HERC2: variants seen among roughly 807,000 people sequenced by gnomAD.
The protein encoded by HERC2 is HECT and RLD domain containing E3 ubiquitin protein ligase 2, also known as E3 ubiquitin-protein ligase HERC2.
In HERC2, 102 loss-of-function variants were observed where a neutral mutation model predicts 537.7. That is an observed-to-expected ratio of 0.19 (90% confidence interval 0.16 to 0.22). HERC2 has a LOEUF of 0.22. Among genes scored for constraint, HERC2 ranks in the 10% least tolerant of loss-of-function variants. The probability of loss-of-function intolerance (pLI) is 1.00; values close to 1 mark genes in which losing one functional copy is unlikely to be tolerated. For missense variants in HERC2, 4,236 were observed against 6,198.2 expected (o/e 0.68, Z 10.63); for synonymous variants, 2,224 against 2,466.2 (o/e 0.90, Z 2.91).
chr15:28,187,197 C>T (rs1896389198), intron 55 of HERC2, among the ~76,000 whole-genome samples: 1 of 152,134 alleles, frequency 6.6e-6, no homozygotes, highest in Non-Finnish European at 1.5e-5. Flanking sequence ...TCCATGACTC[C>T]ATGACCCAGC....
chr15:28,285,616 G>A (rs2076135502), intron 4 of HERC2, among the ~76,000 whole-genome samples: 1 of 151,378 alleles, frequency 6.6e-6, no homozygotes, highest in South Asian at 2.1e-4. Context: ...AATAATATAA[G>A]TGCCCGCCTC....
In HERC2 at chr15:28,215,615, C is replaced by A; in HGVS notation, c.6210+6G>T. 2 of 1,594,720 alleles carry A rather than the reference C, an allele frequency of 1.3e-6. No individual in the cohort carries two copies. The highest frequency in any genetic ancestry group is 1.7e-6 in the Non-Finnish European group (2 of 1,169,296). ...AGGGAACTGGTTTTGCCTGGCAGCA[C>A]ATTACCTGCCTCTGCAGCGAGGTGG... On this transcript the variant is annotated splice_donor_region_variant and intron_variant, in intron 39 of 92. Coordinates refer to ENST00000261609, the MANE Select transcript of HERC2 (RefSeq NM_004667.6).
intron 70 of HERC2, among the ~76,000 whole-genome samples, chr15:28,148,723 C>A (rs1388266303): frequency 6.6e-6 from 1 of 151,994 alleles, no homozygotes; most frequent in Non-Finnish European, 1.5e-5. Flanking sequence ...CCGAGAACGG[C>A]TGCATGAACG....
intron 2 of HERC2, among the ~76,000 whole-genome samples, chr15:28,317,720 T>C (rs1317915369): frequency 6.6e-6 from 1 of 152,200 alleles, no homozygotes; most frequent in Non-Finnish European, 1.5e-5. Context: ...ATTGTAGTAG[T>C]AGTTACATTT....
At chr15:28,315,197 A>G (rs762058963) in intron 2 of HERC2, among the ~76,000 whole-genome samples, 2 of 152,252 alleles carry the variant, frequency 1.3e-5, no homozygotes, top group Non-Finnish European at 2.9e-5. Flanking sequence ...GAAAAAGGGG[A>G]GGAATAAAAA....
At chr15:28,168,733 A>G in intron 66 of HERC2, 143 bp from the exon 67 acceptor site, 1 of 636,392 alleles carries the variant, frequency 1.6e-6, no homozygotes, top group Admixed American at 3.4e-5. Context: ...AAACTACCAA[A>G]CATTATTACC....
intron 12 of HERC2, among the ~76,000 whole-genome samples, chr15:28,267,359 T>C (rs2075597004): frequency 6.6e-6 from 1 of 152,202 alleles, no homozygotes; most frequent in African/African-American, 2.4e-5. Flanking sequence ...AAGTTACTCA[T>C]CCCAGCACTT....
At chr15:28,277,022 C>T (rs984344898) in intron 5 of HERC2, among the ~76,000 whole-genome samples, 4 of 152,090 alleles carry the variant, frequency 2.6e-5, no homozygotes, top group Non-Finnish European at 5.9e-5. Context: ...CTGCAGTGAG[C>T]TATGATTATA....
chr15:28,299,525 G>T lies in HERC2; in HGVS notation c.73-9C>A, dbSNP rs777138226. The T allele has an allele frequency of 1.7e-5, 22 of 1,308,992 alleles. No individual in the cohort carries two copies. Among genetic ancestry groups the T allele is most frequent in the Non-Finnish European group, 2.4e-5 (22 of 905,448 alleles). 81.1% of individuals were successfully genotyped at this position (1,308,992 alleles called of 1,614,324 possible). A position where few individuals can be genotyped will look rare whatever the true frequency, so the allele number is the denominator to read the frequency against. ...TCTCTTGTGAATGCAAGCTGGCAAT[G>T]ATAAACGAGATAAGCTTACAGAGTG... is the stretch of plus-strand genomic sequence containing the variant. On this transcript the variant is annotated splice_polypyrimidine_tract_variant and intron_variant, in intron 2 of 92. Coordinates refer to ENST00000261609, the MANE Select transcript of HERC2 (RefSeq NM_004667.6).
At chr15:28,188,583 T>C (rs959367176) in intron 55 of HERC2, among the ~76,000 whole-genome samples, 2 of 149,770 alleles carry the variant, frequency 1.3e-5, no homozygotes, top group African/African-American at 4.9e-5. Flanking sequence ...GGTGTGATAA[T>C]GGTACCAAGG....
intron 4 of HERC2, among the ~76,000 whole-genome samples, chr15:28,291,592 G>A (rs1032313788): frequency 1.3e-5 from 2 of 151,834 alleles, no homozygotes; most frequent in Non-Finnish European, 2.9e-5. Flanking sequence ...TAATTGGAAT[G>A]AAAATGCATT....
chr15:28,120,886 A>AC (rs1888808036), intron 86 of HERC2, among the ~76,000 whole-genome samples: 2 of 152,152 alleles, frequency 1.3e-5, no homozygotes, highest in African/African-American at 2.4e-5. Context: ...ACCAGGACAC[A>AC]CCCCTGCAAG....
chr15:28,304,093 G>C (rs1363517021), intron 2 of HERC2, among the ~76,000 whole-genome samples: 5 of 148,810 alleles, frequency 3.4e-5, no homozygotes, highest in Non-Finnish European at 5.9e-5. Context: ...TTCAACCCAG[G>C]AGGCAGAGGT....
chr15:28,214,526 C>T (rs1596250974), intron 40 of HERC2, 129 bp downstream of exon 40: 1 of 1,263,472 alleles, frequency 7.9e-7, no homozygotes, highest in East Asian at 2.4e-5. Context: ...GGGAGACGGC[C>T]ACCCACCTCT....
At chr15:28,225,427 G>T (rs1026771487) in intron 35 of HERC2, among the ~76,000 whole-genome samples, 1 of 152,042 alleles carries the variant, frequency 6.6e-6, no homozygotes, top group African/African-American at 2.4e-5. Context: ...GCCAGTCAAG[G>T]TGGCTCACGC....
chr15:28,290,075 G>C (rs1480210058), intron 4 of HERC2, among the ~76,000 whole-genome samples: 1 of 152,220 alleles, frequency 6.6e-6, no homozygotes, highest in Admixed American at 6.5e-5. Flanking sequence ...CTTTGCCTGA[G>C]CACACAAGTG....
intron 20 of HERC2, among the ~76,000 whole-genome samples, chr15:28,249,123 C>T (rs1904013350): frequency 6.6e-6 from 1 of 152,170 alleles, no homozygotes; most frequent in Admixed American, 6.5e-5. Flanking sequence ...AAATATCTGA[C>T]CCTCTAGAAA....
rs374228133 is a variant in HERC2 at position 28,111,850 on chromosome 15, G to A, written c.14418C>T (p.Ala4806=). 7.4e-6 allele frequency: 12 copies of A among 1,614,086 alleles called. No homozygotes were observed. Among genetic ancestry groups the A allele is most frequent in the African/African-American group, 1.3e-5 (1 of 74,926 alleles). Residue 4806 remains alanine (A), a synonymous_variant, in exon 93 of 93, where the codon GCC becomes GCT. Coordinates refer to ENST00000261609, the MANE Select transcript of HERC2 (RefSeq NM_004667.6). Reference sequence around the variant, plus strand: ...CTGAATCGTCGCTGCTGTCGTCGGCGGCTGGCTCTCCTGTAAGTGCGATGC... The same window carrying A: ...CTGAATCGTCGCTGCTGTCGTCGGCAGCTGGCTCTCCTGTAAGTGCGATGC... ...YARIALTGEP[A]ADDSSDDSDN...
At chr15:28,320,877 G>A (rs943173818) in intron 2 of HERC2, among the ~76,000 whole-genome samples, 3 of 152,024 alleles carry the variant, frequency 2.0e-5, no homozygotes, top group Non-Finnish European at 2.9e-5. Context: ...TTAATAAGGA[G>A]TTACAAAGAC....
Sources: allele counts gnomAD v4.1 joint callset (sites outside exome capture counted in the v4.1 genomes callset), GRCh38; gene constraint gnomAD v4.1.1; transcripts MANE v1.5; gene names NCBI Gene and HGNC (gene_info 2026-07-23, HGNC 2026-07-21).